MYRIP: variants seen among roughly 807,000 people sequenced by gnomAD.
MYRIP encodes the protein myosin VIIA and Rab interacting protein.
MYRIP carries 49 observed loss-of-function variants against 98.0 expected under a neutral mutation model. The observed-to-expected ratio is 0.50, with a 90% CI of 0.40 to 0.63. The LOEUF (loss-of-function observed/expected upper bound fraction) is 0.63. MYRIP is among the 30% of genes least tolerant of loss of function. The pLI is 0.00. For missense variants in MYRIP, 1,004 were observed against 1,058.2 expected, an observed-to-expected ratio of 0.95 and a Z score of 0.71; for synonymous variants, 404 against 409.5, an observed-to-expected ratio of 0.99 and a Z score of 0.16.
intron 2 of MYRIP, among the ~76,000 whole-genome samples, chr3:39,931,019 G>A (rs1944526170): frequency 6.6e-6 from 1 of 151,984 alleles, no homozygotes. Context: ...ATTTCCATAT[G>A]AATTTTAGGA....
At chr3:40,154,849 A>C (rs1254752875) in intron 4 of MYRIP, among the ~76,000 whole-genome samples, 1 of 152,204 alleles carries the variant, frequency 6.6e-6, no homozygotes, top group East Asian at 1.9e-4. Context: ...GAAAAAGGTA[A>C]AAGTTGCCAT....
intron 3 of MYRIP, chr3:40,100,270 A>G: frequency 2.0e-6 from 2 of 985,250 alleles, no homozygotes; most frequent in Middle Eastern, 5.2e-4. Context: ...ATAATTAAGC[A>G]ACATTGACTT....
At chr3:40,249,895 T>C (rs9311240) in intron 13 of MYRIP, among the ~76,000 whole-genome samples, 147,709 of 152,260 alleles carry the variant, frequency 0.97, 71,804 homozygotes, top group East Asian at 1. Flanking sequence ...CCTGACCACT[T>C]CTCACCCCCA....
chr3:40,250,892 C>T lies in MYRIP; in HGVS notation c.2428+393C>T, dbSNP rs577034162. 3.3e-4 allele frequency among the ~76,000 whole-genome samples: 50 copies of T among 152,326 alleles called. 1 individual carries two copies. In the South Asian group the frequency reaches 3.5e-3, roughly 11 times the overall value. ...AGATGGGATATTTGTTCTAAAACTC[C>T]CATCCATCTCTGGCTGAGAGTTACT... On this transcript the variant is annotated intron_variant, in intron 15 of 16. Coordinates refer to ENST00000302541, the MANE Select transcript of MYRIP (RefSeq NM_015460.4).
chr3:39,861,889 G>T (rs1942483192), intron 1 of MYRIP, among the ~76,000 whole-genome samples: 1 of 152,172 alleles, frequency 6.6e-6, no homozygotes, highest in Non-Finnish European at 1.5e-5. Context: ...GAAAAAGAGA[G>T]AGAAAGCAAG....
intron 8 of MYRIP, 55 bp downstream of exon 8, chr3:40,170,148 C>T (rs1017794702): frequency 3.8e-6 from 6 of 1,584,644 alleles, no homozygotes; most frequent in African/African-American, 2.7e-5. Context: ...CTGGGGCACA[C>T]ATTTAACCCT....
intron 3 of MYRIP, among the ~76,000 whole-genome samples, chr3:40,093,307 TTATA>T (rs1260784166): frequency 6.6e-6 from 1 of 152,068 alleles, no homozygotes; most frequent in Admixed American, 6.6e-5. Flanking sequence ...AGCGTGAAAT[TTATA>T]TAGCATTTTT....
intron 3 of MYRIP, among the ~76,000 whole-genome samples, chr3:40,125,619 C>A (rs563773992): frequency 6.6e-6 from 1 of 152,316 alleles, no homozygotes; most frequent in South Asian, 2.1e-4. Context: ...AACCATCACG[C>A]TAGCTATGTG....
chr3:39,955,606 G>T (rs899188063), intron 2 of MYRIP, among the ~76,000 whole-genome samples: 12 of 152,162 alleles, frequency 7.9e-5, no homozygotes, highest in African/African-American at 2.9e-4. Flanking sequence ...ATGCTAGGAA[G>T]AAACTGCATC....
chr3:39,938,491 A>C (rs1944706924), intron 2 of MYRIP, among the ~76,000 whole-genome samples: 2 of 152,178 alleles, frequency 1.3e-5, no homozygotes, highest in African/African-American at 4.8e-5. Flanking sequence ...ATATACCCAA[A>C]GATGGGATTG....
At chr3:40,249,765 CA>C (rs1321587159) in intron 13 of MYRIP, among the ~76,000 whole-genome samples, 38 of 152,298 alleles carry the variant, frequency 2.5e-4, no homozygotes, top group African/African-American at 9.1e-4. Context: ...GGACTTGAAC[CA>C]GGGACCGCTA....
chr3:39,846,402 C>T (rs1941968206), intron 1 of MYRIP, among the ~76,000 whole-genome samples: 1 of 152,196 alleles, frequency 6.6e-6, no homozygotes, highest in South Asian at 2.1e-4. Flanking sequence ...CCCACCTTTC[C>T]TTTTCCCTAT....
intron 2 of MYRIP, among the ~76,000 whole-genome samples, chr3:40,029,206 TTAATC>T (rs1237881745): frequency 6.6e-6 from 1 of 152,194 alleles, no homozygotes; most frequent in African/African-American, 2.4e-5. Flanking sequence ...TCTTCTGCCT[TTAATC>T]TAAGGGACTG....
intron 1 of MYRIP, among the ~76,000 whole-genome samples, chr3:39,896,196 C>T (rs1943607559): frequency 1.3e-5 from 2 of 152,234 alleles, no homozygotes; most frequent in Non-Finnish European, 2.9e-5. Flanking sequence ...CCAAGACTAA[C>T]ATCTACTCAC....
At chr3:40,096,515 C>T (rs1206525912) in intron 3 of MYRIP, among the ~76,000 whole-genome samples, 6 of 152,212 alleles carry the variant, frequency 3.9e-5, no homozygotes, top group Admixed American at 3.3e-4. Context: ...GAGTTTGACT[C>T]CCCGCAACCA....
In MYRIP at chr3:39,861,191, C is replaced by T. The variant is rs534679898; in HGVS notation, c.-30-39596C>T. ...AGCAAAGCCATGGCTTGATGCTAGC[C>T]CCCCAGAGTTAGAGCATGCAGCTCA... is the stretch of plus-strand genomic sequence containing the variant. On this transcript the variant is annotated intron_variant, in intron 1 of 16. Coordinates refer to ENST00000302541, the MANE Select transcript of MYRIP (RefSeq NM_015460.4). 2.6e-5 allele frequency among the ~76,000 whole-genome samples: 4 copies of T among 152,300 alleles called. No homozygotes were observed. The East Asian group carries it at 7.7e-4, about 29-fold the overall frequency.
At chr3:39,945,476 C>CAAAAA (rs67748992) in intron 2 of MYRIP, among the ~76,000 whole-genome samples, 7 of 65,196 alleles carry the variant, frequency 1.1e-4, no homozygotes, top group Admixed American at 1.8e-4. Flanking sequence ...GACTCCATCT[C>CAAAAA]AAAAAAAAAA....
intron 2 of MYRIP, among the ~76,000 whole-genome samples, chr3:39,998,013 A>C (rs535913176): frequency 2.2e-4 from 34 of 152,344 alleles, no homozygotes; most frequent in African/African-American, 7.2e-4. Flanking sequence ...TCAGTAAATT[A>C]GGTATTGATG....
At chr3:40,186,482 C>A (rs753969245) in intron 9 of MYRIP, among the ~76,000 whole-genome samples, 1 of 152,124 alleles carries the variant, frequency 6.6e-6, no homozygotes, top group Non-Finnish European at 1.5e-5. Flanking sequence ...TGGAGCTTGA[C>A]CCCACTGGGG....
Sources: gnomAD v4.1 joint callset for allele counts (sites outside exome capture counted in the v4.1 genomes callset) on GRCh38, gnomAD v4.1.1 for gene constraint, MANE v1.5 for transcripts, NCBI Gene and HGNC (gene_info 2026-07-23, HGNC 2026-07-21) for gene names.